The following KIF1A variants were observed in gnomAD, a reference collection of about 807,000 sequenced individuals.
KIF1A encodes kinesin-like protein KIF1A.
In KIF1A, 46 loss-of-function variants were observed where a neutral mutation model predicts 227.3. The ratio of observed to expected loss-of-function variants is 0.20; its 90% CI spans 0.16 to 0.26. KIF1A has a LOEUF of 0.26. Ranked by LOEUF, KIF1A falls within the 10% of genes least tolerant of loss-of-function variation. The pLI is 1.00. For synonymous variants in KIF1A, 1,022 were observed against 1,012.8 expected, an observed-to-expected ratio of 1.01 and a Z score of -0.17; for missense variants, 1,683 against 2,485.9, an observed-to-expected ratio of 0.68 and a Z score of 6.87.
At chr2:240,777,731 G>C (rs1030128321) in intron 10 of KIF1A, among the ~76,000 whole-genome samples, 1 of 152,204 alleles carries the variant, frequency 6.6e-6, no homozygotes, top group Non-Finnish European at 1.5e-5. Flanking sequence ...AGCTCCCCCA[G>C]GCAGCTCCTG....
intron 9 of KIF1A, 29 bp from the exon 10 acceptor site, chr2:240,782,636 A>C: frequency 6.4e-7 from 1 of 1,550,960 alleles, no homozygotes; most frequent in Non-Finnish European, 8.7e-7. Flanking sequence ...AGAGAGGCTG[A>C]GGCCCGGAGC....
At chr2:240,777,144 A>G (rs530472147) in intron 10 of KIF1A, among the ~76,000 whole-genome samples, 33 of 152,200 alleles carry the variant, frequency 2.2e-4, no homozygotes, top group Admixed American at 5.9e-4. Flanking sequence ...CCCGGGTTCA[A>G]GCGATTCTCA....
intron 23 of KIF1A, 146 bp downstream of exon 23, chr2:240,762,573 G>T: frequency 8.2e-7 from 1 of 1,221,236 alleles, no homozygotes; most frequent in Non-Finnish European, 1.1e-6. Context: ...GTGCTTCCCA[G>T]GGCAAGGAGG....
chr2:240,814,910 C>T lies in KIF1A; in HGVS notation c.-61+5212G>A, dbSNP rs141066955. On this transcript the variant is annotated intron_variant, in intron 1 of 48. Transcript: ENST00000498729. Reference sequence around the variant, plus strand: ...CCAACCTGGGTGACAGAGTGAGACCCTGTCTCTAAAATGAAATAAAATAAA... The same window carrying T: ...CCAACCTGGGTGACAGAGTGAGACCTTGTCTCTAAAATGAAATAAAATAAA... Among the ~76,000 whole-genome samples the T allele has an allele frequency of 9.2e-5, 14 of 152,312 alleles. No homozygotes were observed. In the East Asian group the frequency reaches 2.7e-3, roughly 29 times the overall value.
chr2:240,782,170 C>T, intron 10 of KIF1A: 4 of 985,388 alleles, frequency 4.1e-6, no homozygotes, highest in Non-Finnish European at 4.8e-6. Context: ...TCCACACGCG[C>T]CCGCCTCCCC....
chr2:240,728,371 G>T (rs1349002497), intron 38 of KIF1A: 1 of 1,297,494 alleles, frequency 7.7e-7, no homozygotes, highest in Admixed American at 2.3e-5. Flanking sequence ...AAGGGCGGAA[G>T]AGAAAAGTGA....
At chr2:240,787,197 C>T in intron 5 of KIF1A, 54 bp downstream of exon 5, 1 of 1,413,470 alleles carries the variant, frequency 7.1e-7, no homozygotes, top group Non-Finnish European at 1.0e-6. Context: ...CACTGCCAGC[C>T]ACACCAGATT....
At chr2:240,773,661 C>G (rs1273994643) in intron 12 of KIF1A, among the ~76,000 whole-genome samples, 2 of 152,194 alleles carry the variant, frequency 1.3e-5, no homozygotes, top group Non-Finnish European at 2.9e-5. Context: ...CACATGTCTA[C>G]GTTTCCAGCT....
chr2:240,769,212 G>A lies in KIF1A; in HGVS notation c.1422-4C>T, dbSNP rs1232884429. 2.5e-6 allele frequency: 4 copies of A among 1,606,220 alleles called. No homozygotes were observed. The highest frequency in any genetic ancestry group is 3.4e-6 in the Non-Finnish European group (4 of 1,176,850). ...CATCTCGGCCAGCAGGGCTTCCCTG[G>A]GGGAACAGAGCTGAGGTCAGCACAA... is the stretch of plus-strand genomic sequence containing the variant. On this transcript the variant is annotated splice_region_variant and splice_polypyrimidine_tract_variant and intron_variant, in intron 16 of 48. Coordinates refer to ENST00000498729, the MANE Select transcript of KIF1A (RefSeq NM_001244008.2).
intron 37 of KIF1A, among the ~76,000 whole-genome samples, chr2:240,737,846 T>G (rs1450258078): frequency 6.6e-6 from 1 of 152,204 alleles, no homozygotes; most frequent in East Asian, 1.9e-4. Context: ...GTACATTTTC[T>G]TTGTTGCGCC....
intron 1 of KIF1A, among the ~76,000 whole-genome samples, chr2:240,802,790 C>G (rs1211129385): frequency 6.6e-6 from 1 of 152,116 alleles, no homozygotes; most frequent in Admixed American, 6.5e-5. Flanking sequence ...TGTCACCATA[C>G]CTGGCTAAAT....
intron 43 of KIF1A, 114 bp from the exon 44 acceptor site, chr2:240,721,998 G>T: frequency 1.3e-6 from 1 of 798,070 alleles, no homozygotes; most frequent in Non-Finnish European, 2.1e-6. Context: ...TCCGACGCCA[G>T]AGCACAGTGG....
At position 240,774,214 on chromosome 2, in the gene KIF1A, T is replaced by C. The variant is rs375423065; in HGVS notation, c.1006A>G (p.Ile336Val). ...AMVAALSPAD[I>V]NYDETLSTLR... ...GTGCTAAGGGTCTCATCGTAGTTGA[T>C]GTCTGCAGGACTCAAGGCTGCCACC... is the stretch of plus-strand genomic sequence containing the variant. Residue 336 changes from isoleucine (I) to valine (V), a missense_variant, in exon 12 of 49, where the codon ATC becomes GTC. Around this residue, in one of 12 missense-constraint regions of KIF1A, gnomAD observed 15 missense variants for 78.3 expected, o/e 0.19. Coordinates refer to ENST00000498729, the MANE Select transcript of KIF1A (RefSeq NM_001244008.2). 6.2e-7 allele frequency: 1 copy of C among 1,608,514 alleles called. No homozygotes were observed. The highest frequency in any genetic ancestry group is 1.3e-5 in the African/African-American group (1 of 74,764).
chr2:240,765,711 T>C lies in KIF1A; in HGVS notation c.1767A>G (p.Ser589=), dbSNP rs753937116. 1.2e-6 allele frequency: 2 copies of C among 1,612,728 alleles called. No individual in the cohort carries two copies. The highest frequency in any genetic ancestry group is 1.7e-6 in the Non-Finnish European group (2 of 1,179,100). The change falls in exon 20 of 49, where the codon TCA becomes TCG. Residue 589 remains serine (S), a splice_region_variant and synonymous_variant. Coordinates refer to ENST00000498729, the MANE Select transcript of KIF1A (RefSeq NM_001244008.2). ...KKVTEPSILR[S]GNRIIMGKSH... The stretch of plus-strand genomic sequence containing the variant: ...GGCCCCCGGAGTCCCCAGCCATACC[T>C]GAACGCAGGATGCTGGGCTCTGTGA...
At position 240,740,352 on chromosome 2, in the gene KIF1A, G is replaced by T. The variant is rs758470895; in HGVS notation, c.3762C>A (p.Ala1254=). ...ELEANGDYIP[A]VVDHRGGMPC... ...GCATGCCCCCACGGTGGTCCACCAC[G>T]GCCGGGATGTAACTGGAAGAGAGAG... is the stretch of plus-strand genomic sequence containing the variant. The change falls in exon 36 of 49, where the codon GCC becomes GCA. Residue 1254 remains alanine (A), a synonymous_variant. Transcript: ENST00000498729. The surrounding 1 kb of genome is among the most constrained non-coding windows in gnomAD (Gnocchi z 6.1). 2 of 1,613,634 alleles carry T rather than the reference G, an allele frequency of 1.2e-6. No homozygotes were observed. Among genetic ancestry groups the T allele is most frequent in the Non-Finnish European group, 1.7e-6 (2 of 1,179,724 alleles).
rs761883307 is a variant in KIF1A at position 240,750,474 on chromosome 2, C to T, written c.2932G>A (p.Gly978Ser). ...VHRVAIVSEK[G>S]EVKGFLRVAV... Reference sequence around the variant, plus strand: ...ACGCGGAGGAAGCCCTTCACCTCGCCCTTCTCGCTGACGATTGCCACACGG... The same window carrying T: ...ACGCGGAGGAAGCCCTTCACCTCGCTCTTCTCGCTGACGATTGCCACACGG... Residue 978 changes from glycine to serine, a missense_variant, in exon 28 of 49, where the codon GGC becomes AGC. Gly to Ser is a moderately conservative substitution (Grantham distance 56, BLOSUM62 0). Coordinates refer to ENST00000498729, the MANE Select transcript of KIF1A (RefSeq NM_001244008.2). The T allele has an allele frequency of 1.9e-6, 3 of 1,613,926 alleles. No individual in the cohort carries two copies. In the South Asian group the frequency reaches 3.3e-5, roughly 18 times the overall value.
intron 28 of KIF1A, chr2:240,748,745 T>C: frequency 8.2e-6 from 2 of 243,704 alleles, no homozygotes; most frequent in South Asian, 4.0e-5. Context: ...AGCACTGTGG[T>C]ATCACAGTGA....
At chr2:240,797,287 G>A (rs1423202966) in intron 2 of KIF1A, among the ~76,000 whole-genome samples, 3 of 152,204 alleles carry the variant, frequency 2.0e-5, no homozygotes, top group Non-Finnish European at 4.4e-5. Flanking sequence ...AGAAGGCCAC[G>A]TGACGACGGA....
At chr2:240,720,711 T>C (rs996894891) in intron 45 of KIF1A, 2 of 518,746 alleles carry the variant, frequency 3.9e-6, no homozygotes, top group Non-Finnish European at 6.8e-6. Context: ...ACACACACAC[T>C]AGGATGGAGC....
Sources: allele counts gnomAD v4.1 joint callset (sites outside exome capture counted in the v4.1 genomes callset), GRCh38; gene constraint gnomAD v4.1.1; regional missense constraint gnomAD v4.1.1; non-coding constraint Gnocchi (gnomAD v3.1); transcripts MANE v1.5; gene names NCBI Gene and HGNC (gene_info 2026-07-23, HGNC 2026-07-21).